PCDH9: variants seen among roughly 807,000 people sequenced by gnomAD.
PCDH9 encodes protocadherin 9, also known as protocadherin-9.
Under a neutral mutation model 70.6 loss-of-function variants are expected in PCDH9, and 24 were observed. The ratio of observed to expected loss-of-function variants is 0.34; its 90% CI spans 0.25 to 0.48. PCDH9 has a LOEUF of 0.48. Among genes scored for constraint, PCDH9 ranks in the 20% least tolerant of loss-of-function variants. PCDH9 has a pLI of 0.99. For missense variants in PCDH9, 1,281 were observed against 1,503.6 expected (o/e 0.85, Z 2.45); for synonymous variants, 562 against 558.5 (o/e 1.01, Z -0.09).
At chr13:66,502,794 A>C (rs1566374641) in intron 4 of PCDH9, among the ~76,000 whole-genome samples, 3 of 152,192 alleles carry the variant, frequency 2.0e-5, no homozygotes, top group African/African-American at 7.2e-5. Context: ...GGAGTATACT[A>C]AACTACACAG....
At chr13:67,065,906 T>C (rs748797583) in intron 2 of PCDH9, among the ~76,000 whole-genome samples, 5 of 152,154 alleles carry the variant, frequency 3.3e-5, no homozygotes, top group Non-Finnish European at 7.4e-5. Context: ...GAAAAATCAG[T>C]ACATGTTTTG....
At chr13:66,506,082 T>A (rs1333344743) in intron 4 of PCDH9, among the ~76,000 whole-genome samples, 1 of 152,148 alleles carries the variant, frequency 6.6e-6, no homozygotes, top group African/African-American at 2.4e-5. Flanking sequence ...TGCTAATACT[T>A]CCTATGTTTC....
intron 4 of PCDH9, among the ~76,000 whole-genome samples, chr13:66,453,427 G>A (rs1958253895): frequency 6.6e-6 from 1 of 152,136 alleles, no homozygotes; most frequent in Admixed American, 6.5e-5. Context: ...TAGCCTATGT[G>A]ATATTGTTCC....
At chr13:66,693,015 A>G (rs961253239) in intron 3 of PCDH9, among the ~76,000 whole-genome samples, 18 of 152,218 alleles carry the variant, frequency 1.2e-4, no homozygotes, top group African/African-American at 3.8e-4. Flanking sequence ...CTCAAAAGAA[A>G]TCAAACTCTT....
intron 4 of PCDH9, among the ~76,000 whole-genome samples, chr13:66,373,954 A>T (rs9599107): frequency 0.067 from 10,148 of 152,114 alleles, 458 homozygotes; most frequent in South Asian, 0.11. Context: ...TCAAAAATAC[A>T]TTTATTAGTG....
intron 2 of PCDH9, among the ~76,000 whole-genome samples, chr13:67,114,428 G>GA (rs2086720215): frequency 1.3e-5 from 2 of 151,874 alleles, no homozygotes; most frequent in South Asian, 4.2e-4. Context: ...TCAAATTGTA[G>GA]AAAAAAATAT....
intron 4 of PCDH9, among the ~76,000 whole-genome samples, chr13:66,327,376 G>T (rs1955866650): frequency 6.6e-6 from 1 of 152,160 alleles, no homozygotes; most frequent in Non-Finnish European, 1.5e-5. Flanking sequence ...AATTACTTTG[G>T]TTTGGGGACC....
At chr13:66,604,883 T>C (rs1206343708) in intron 4 of PCDH9, among the ~76,000 whole-genome samples, 1 of 152,048 alleles carries the variant, frequency 6.6e-6, no homozygotes, top group Non-Finnish European at 1.5e-5. Flanking sequence ...GTAGTATCTT[T>C]TTCTCCAGAT....
At chr13:66,314,955 C>T (rs1955624672) in intron 4 of PCDH9, among the ~76,000 whole-genome samples, 3 of 152,136 alleles carry the variant, frequency 2.0e-5, no homozygotes, top group South Asian at 4.1e-4. Context: ...TGTTGGTAGG[C>T]CTAATCTAAT....
intron 4 of PCDH9, among the ~76,000 whole-genome samples, chr13:66,527,653 A>C (rs1960274147): frequency 6.6e-6 from 1 of 152,106 alleles, no homozygotes; most frequent in South Asian, 2.1e-4. Context: ...ATATGACTTG[A>C]CACAGTGGCC....
At chr13:66,626,951 C>CTGTGTGTATG (rs1491291005) in intron 4 of PCDH9, among the ~76,000 whole-genome samples, 1 of 147,382 alleles carries the variant, frequency 6.8e-6, no homozygotes, top group Non-Finnish European at 1.5e-5. Flanking sequence ...TCAAATGCCA[C>CTGTGTGTATG]TGTGTGTGTG....
chr13:67,151,488 T>G (rs1029259724), intron 2 of PCDH9, among the ~76,000 whole-genome samples: 2 of 152,072 alleles, frequency 1.3e-5, no homozygotes, highest in African/African-American at 4.8e-5. Flanking sequence ...AGCTCCTACT[T>G]CTTTTATTGT....
At chr13:66,618,122 G>C (rs939689156) in intron 4 of PCDH9, among the ~76,000 whole-genome samples, 5 of 152,202 alleles carry the variant, frequency 3.3e-5, no homozygotes, top group Non-Finnish European at 7.3e-5. Context: ...CTCTGGCCTA[G>C]TGAGAGTCCC....
chr13:66,983,152 C>T (rs1422931279), intron 2 of PCDH9, among the ~76,000 whole-genome samples: 2 of 152,090 alleles, frequency 1.3e-5, no homozygotes, highest in Non-Finnish European at 2.9e-5. Context: ...ATCTGTGCAG[C>T]AAATCACCAC....
At chr13:66,626,167 A>T (rs1362323974) in intron 4 of PCDH9, among the ~76,000 whole-genome samples, 1 of 152,174 alleles carries the variant, frequency 6.6e-6, no homozygotes, top group East Asian at 1.9e-4. Flanking sequence ...TAGACGTTAA[A>T]TACATTCAGT....
intron 4 of PCDH9, among the ~76,000 whole-genome samples, chr13:66,378,437 G>T (rs1408211613): frequency 2.0e-5 from 3 of 152,080 alleles, no homozygotes; most frequent in African/African-American, 7.2e-5. Context: ...CTCTGTGTGT[G>T]TATGTGTTTA....
intron 2 of PCDH9, among the ~76,000 whole-genome samples, chr13:67,129,534 G>A (rs2087058240): frequency 6.6e-6 from 1 of 152,006 alleles, no homozygotes; most frequent in Non-Finnish European, 1.5e-5. Context: ...ATAAGAATGA[G>A]TCACTGGTTA....
intron 3 of PCDH9, among the ~76,000 whole-genome samples, chr13:66,849,076 C>A (rs909446873): frequency 2.0e-5 from 3 of 151,604 alleles, no homozygotes; most frequent in Non-Finnish European, 2.9e-5. Context: ...AATATGATTC[C>A]TTTGTAGCAA....
intron 2 of PCDH9, among the ~76,000 whole-genome samples, chr13:66,909,646 G>A (rs1200561752): frequency 1.3e-5 from 2 of 152,068 alleles, no homozygotes; most frequent in Non-Finnish European, 1.5e-5. Flanking sequence ...GCGGGCGCCT[G>A]TAGTCCCAGC....
Sources: allele counts gnomAD v4.1 joint callset (sites outside exome capture counted in the v4.1 genomes callset), GRCh38; gene constraint gnomAD v4.1.1; transcripts MANE v1.5; gene names NCBI Gene and HGNC (gene_info 2026-07-23, HGNC 2026-07-21).